ATF7IP: variants seen among roughly 807,000 people sequenced by gnomAD.
The protein encoded by ATF7IP is activating transcription factor 7-interacting protein 1.
A neutral mutation model predicts 106.4 loss-of-function variants in ATF7IP; 23 were observed. The ratio of observed to expected loss-of-function variants is 0.22; its 90% CI spans 0.16 to 0.31. The LOEUF (loss-of-function observed/expected upper bound fraction) is 0.31. ATF7IP is among the 10% of genes least tolerant of loss of function. The pLI is 1.00. For missense variants in ATF7IP, 1,334 were observed against 1,524.3 expected (o/e 0.88, Z 2.08); for synonymous variants, 542 against 539.0 (o/e 1.01, Z -0.08).
chr12:14,398,209 A>G (rs896841455), intron 1 of ATF7IP, among the ~76,000 whole-genome samples: 1 of 151,602 alleles, frequency 6.6e-6, no homozygotes, highest in African/African-American at 2.4e-5. Context: ...TTGTAATTCC[A>G]TGCTTTGGGA....
At chr12:14,389,461 A>G (rs1215060427) in intron 1 of ATF7IP, among the ~76,000 whole-genome samples, 1 of 152,230 alleles carries the variant, frequency 6.6e-6, no homozygotes, top group Non-Finnish European at 1.5e-5. Context: ...ATCTAAAAAC[A>G]TGACTTGAAT....
intron 1 of ATF7IP, 195 bp from the exon 2 acceptor site, chr12:14,423,714 T>C: frequency 1.9e-6 from 1 of 514,690 alleles, no homozygotes; most frequent in Non-Finnish European, 3.1e-6. Flanking sequence ...TAGTAGACTA[T>C]GGCCATTTTT....
intron 9 of ATF7IP, among the ~76,000 whole-genome samples, chr12:14,465,429 A>G (rs1439329655): frequency 6.6e-6 from 1 of 151,890 alleles, no homozygotes; most frequent in African/African-American, 2.4e-5. Flanking sequence ...TTAATACTCC[A>G]CTGTGTAACA....
intron 1 of ATF7IP, among the ~76,000 whole-genome samples, chr12:14,423,234 A>G (rs956856622): frequency 6.6e-6 from 1 of 152,050 alleles, no homozygotes; most frequent in Non-Finnish European, 1.5e-5. Flanking sequence ...GTGATTTATT[A>G]TTGAATTATA....
At chr12:14,463,024 T>A (rs1458834699) in intron 9 of ATF7IP, among the ~76,000 whole-genome samples, 1 of 152,028 alleles carries the variant, frequency 6.6e-6, no homozygotes, top group African/African-American at 2.4e-5. Flanking sequence ...ATTAATAAAT[T>A]ATTACTTATA....
In ATF7IP at chr12:14,500,664, C is replaced by T. The variant is rs1490947277; in HGVS notation, c.*2591C>T. On this transcript the variant is annotated 3_prime_UTR_variant, in exon 15 of 15. Coordinates refer to ENST00000261168, the MANE Select transcript of ATF7IP (RefSeq NM_018179.5). The stretch of plus-strand genomic sequence containing the variant: ...GGGTGTTTTTATGGTCACGTGGTAA[C>T]AATTTTCTTACCTAACCTACAAAAG... 1 of 152,040 alleles carries T rather than the reference C, an allele frequency of 6.6e-6. No homozygotes were observed. Among genetic ancestry groups the T allele is most frequent in the Non-Finnish European group, 1.5e-5 (1 of 67,974 alleles). 9.4% of individuals were successfully genotyped at this position (152,040 alleles called of 1,614,324 possible). A position where few individuals can be genotyped will look rare whatever the true frequency, so the allele number is the denominator to read the frequency against.
intron 2 of ATF7IP, among the ~76,000 whole-genome samples, chr12:14,433,897 G>T (rs576879155): frequency 3.5e-4 from 54 of 152,160 alleles, no homozygotes; most frequent in Non-Finnish European, 6.6e-4. Context: ...TATACCATAA[G>T]CATTAAAGTA....
chr12:14,472,105 G>A (rs2136773474), intron 10 of ATF7IP, among the ~76,000 whole-genome samples: 1 of 131,156 alleles, frequency 7.6e-6, no homozygotes, highest in South Asian at 2.5e-4. Context: ...ATATCGTATA[G>A]CCTTATAGTG....
At position 14,481,019 on chromosome 12, in the gene ATF7IP, T is replaced by TGTA; in HGVS notation, c.3115_3117dup (p.Val1039dup). On this transcript the variant is annotated inframe_insertion, in exon 13 of 15. Coordinates refer to ENST00000261168, the MANE Select transcript of ATF7IP (RefSeq NM_018179.5). ...TTGCATTAGCTCCAACTACCGTGAA[T>TGTA]GTAACACATCGTCCAGTAACTCAGG... The TGTA allele has an allele frequency of 6.2e-7, 1 of 1,613,996 alleles. No individual in the cohort carries two copies. Among genetic ancestry groups the TGTA allele is most frequent in the Non-Finnish European group, 8.5e-7 (1 of 1,179,934 alleles).
intron 8 of ATF7IP, 129 bp from the exon 9 acceptor site, chr12:14,460,366 T>A: frequency 3.3e-6 from 3 of 916,370 alleles, no homozygotes; most frequent in South Asian, 5.2e-5. Context: ...TGGAAAAAAA[T>A]TTCATGATAA....
rs1215111982 is a variant in ATF7IP at position 14,430,734 on chromosome 12, G to A, written c.1559-3603G>A. 2.0e-5 allele frequency among the ~76,000 whole-genome samples: 3 copies of A among 152,162 alleles called. No homozygotes were observed. The East Asian group carries it at 5.8e-4, about 29-fold the overall frequency. On this transcript the variant is annotated intron_variant, in intron 2 of 14. Coordinates refer to ENST00000261168, the MANE Select transcript of ATF7IP (RefSeq NM_018179.5). The stretch of plus-strand genomic sequence containing the variant: ...TTCATGGAGCCAGTAATCTAAATCA[G>A]TGAATGGGGTAGACTGGCCTGTGAG...
At chr12:14,390,282 A>G (rs141322495) in intron 1 of ATF7IP, among the ~76,000 whole-genome samples, 3 of 152,302 alleles carry the variant, frequency 2.0e-5, no homozygotes, top group East Asian at 3.9e-4. Flanking sequence ...AAGTCAGTTT[A>G]CTCTTTAGAA....
chr12:14,496,338 C>T lies in ATF7IP; in HGVS notation c.3388C>T (p.His1130Tyr), dbSNP rs1476064046. The change falls in exon 14 of 15, where the codon CAT (histidine) becomes TAT (tyrosine). Residue 1130 changes from histidine to tyrosine, a missense_variant. Physicochemically the swap from His to Tyr is moderately conservative, Grantham distance 83. Around this residue, in one of 10 missense-constraint regions of ATF7IP, gnomAD observed 370 missense variants for 401.2 expected, o/e 0.92. Coordinates refer to ENST00000261168, the MANE Select transcript of ATF7IP (RefSeq NM_018179.5). ...LTVHHRPPQV[H>Y]TEPPRPVHPA... ...AGTGCATCACCGACCACCACAAGTG[C>T]ATACTGTAAGTGTTGATGCTTGGTT... 6.2e-7 allele frequency: 1 copy of T among 1,610,162 alleles called. No homozygotes were observed. The highest frequency in any genetic ancestry group is 1.7e-5 in the Admixed American group (1 of 59,968).
intron 1 of ATF7IP, among the ~76,000 whole-genome samples, chr12:14,415,334 T>A (rs1941145820): frequency 6.6e-6 from 1 of 152,218 alleles, no homozygotes; most frequent in Non-Finnish European, 1.5e-5. Context: ...GTATCTTATG[T>A]TTTTATCATG....
At chr12:14,388,014 CTT>C (rs34633217) in intron 1 of ATF7IP, among the ~76,000 whole-genome samples, 67 of 120,806 alleles carry the variant, frequency 5.5e-4, no homozygotes, top group African/African-American at 6.9e-4. Context: ...TTCATTCTTT[CTT>C]TTTTTTTTTT....
intron 5 of ATF7IP, among the ~76,000 whole-genome samples, chr12:14,441,785 TGCCCAGGATACCAAACTCACCGCACCCG>T (rs1449782460): frequency 4.6e-5 from 7 of 151,894 alleles, no homozygotes; most frequent in Admixed American, 4.6e-4. Context: ...CACCGCGCCC[TGCCCAGGATACCAAACTCACCGCACCCG>T]GCCCAGGATA....
chr12:14,460,910 C>T lies in ATF7IP; in HGVS notation c.2574C>T (p.Asn858=). Residue 858 remains asparagine (N), a synonymous_variant, in exon 9 of 15, where the codon AAC becomes AAT. Coordinates refer to ENST00000261168, the MANE Select transcript of ATF7IP (RefSeq NM_018179.5). The part of the protein sequence containing the change: ...PSVPSPSIQR[N]PTASAAPLGT... The stretch of plus-strand genomic sequence containing the variant: ...TGCCCAGTCCTAGTATTCAAAGGAA[C>T]CCTACTGCCAGTGCTGCACCATTGG... 1 of 1,614,170 alleles carries T rather than the reference C, an allele frequency of 6.2e-7. No individual in the cohort carries two copies. Among genetic ancestry groups the T allele is most frequent in the Non-Finnish European group, 8.5e-7 (1 of 1,180,042 alleles).
intron 13 of ATF7IP, among the ~76,000 whole-genome samples, chr12:14,486,661 T>C (rs1944627230): frequency 6.6e-6 from 1 of 152,360 alleles, no homozygotes; most frequent in South Asian, 2.1e-4. Context: ...TATCCAATGC[T>C]AGAGCTCTAT....
rs565880900 is a variant in ATF7IP, at chr12:14,481,348, ATAG to A, written c.3280+166_3280+168del. On this transcript the variant is annotated intron_variant, in intron 13 of 14. Transcript: ENST00000261168. ...AGATCTGTACTACAACATAGAAACT[ATAG>A]TATAGTTAAAATCAATGTAGTATAT... 7.7e-4 allele frequency: 495 copies of A among 644,850 alleles called. 1 individual carries two copies. Among genetic ancestry groups the A allele is most frequent in the Middle Eastern group, 2.6e-3 (6 of 2,342 alleles). The allele number at this position is 644,850 out of a possible 1,614,324, so 39.9% of individuals were successfully genotyped here. A position where few individuals can be genotyped will look rare whatever the true frequency, so the allele number is the denominator to read the frequency against.
Sources: allele counts gnomAD v4.1 joint callset (sites outside exome capture counted in the v4.1 genomes callset), GRCh38; gene constraint gnomAD v4.1.1; regional missense constraint gnomAD v4.1.1; transcripts MANE v1.5; gene names NCBI Gene and HGNC (gene_info 2026-07-23, HGNC 2026-07-21).